RNGTT: variants seen among roughly 807,000 people sequenced by gnomAD.
RNGTT encodes RNA guanylyltransferase and 5'-phosphatase, also known as mRNA-capping enzyme.
In RNGTT, 33 loss-of-function variants were observed where a neutral mutation model predicts 79.3. That is an observed-to-expected ratio of 0.42 (90% confidence interval 0.32 to 0.56). The LOEUF (loss-of-function observed/expected upper bound fraction) is 0.56. RNGTT is among the 20% of genes least tolerant of loss of function. RNGTT has a pLI of 0.17. For missense variants in RNGTT, 497 were observed against 739.1 expected (o/e 0.67, Z 3.80); for synonymous variants, 222 against 235.9 (o/e 0.94, Z 0.54).
intron 14 of RNGTT, among the ~76,000 whole-genome samples, chr6:88,641,055 G>T (rs143998937): frequency 3.7e-4 from 56 of 152,044 alleles, no homozygotes; most frequent in Admixed American, 9.8e-4. Flanking sequence ...GTGTTAAGAC[G>T]ACCGGCCGGG....
intron 12 of RNGTT, among the ~76,000 whole-genome samples, chr6:88,774,159 C>A (rs928631711): frequency 6.6e-6 from 1 of 151,970 alleles, no homozygotes; most frequent in Non-Finnish European, 1.5e-5. Context: ...AGTCAAAAGA[C>A]TTGAATAAAC....
intron 14 of RNGTT, among the ~76,000 whole-genome samples, chr6:88,637,409 G>A (rs1773138922): frequency 6.6e-6 from 1 of 151,994 alleles, no homozygotes; most frequent in Non-Finnish European, 1.5e-5. Flanking sequence ...ATTGGAAAAG[G>A]CTGGCTTTTC....
chr6:88,868,235 G>A (rs939134769), intron 8 of RNGTT, among the ~76,000 whole-genome samples: 2 of 151,806 alleles, frequency 1.3e-5, no homozygotes, highest in African/African-American at 4.8e-5. Flanking sequence ...TAAACTTCAA[G>A]AAGATTGAGA....
rs557136602 is a variant in RNGTT at position 88,612,034 on chromosome 6, A to G, written c.*685T>C. 2 of 152,648 alleles carry G rather than the reference A, an allele frequency of 1.3e-5. No homozygotes were observed. The highest frequency in any genetic ancestry group is 4.8e-5 in the African/African-American group (2 of 41,594). 9.5% of individuals were successfully genotyped at this position (152,648 alleles called of 1,614,324 possible). On this transcript the variant is annotated 3_prime_UTR_variant, in exon 16 of 16. Transcript: ENST00000369485. ...AGAATGGACACACTGGATATCTGAT[A>G]TCATAGTCGAAACAATACAAACAGA... is the stretch of plus-strand genomic sequence containing the variant.
intron 8 of RNGTT, among the ~76,000 whole-genome samples, chr6:88,862,830 T>C (rs1309730213): frequency 6.6e-6 from 1 of 152,206 alleles, no homozygotes; most frequent in Non-Finnish European, 1.5e-5. Context: ...GTCAGTGAAA[T>C]GACAACATAG....
chr6:88,826,166 C>T (rs748223916), intron 11 of RNGTT, among the ~76,000 whole-genome samples: 2 of 152,116 alleles, frequency 1.3e-5, no homozygotes, highest in Non-Finnish European at 2.9e-5. Context: ...AAAAGGTGGG[C>T]AGGGGGCATG....
At chr6:88,780,469 A>T (rs1779025484) in intron 12 of RNGTT, among the ~76,000 whole-genome samples, 1 of 152,218 alleles carries the variant, frequency 6.6e-6, no homozygotes, top group Non-Finnish European at 1.5e-5. Flanking sequence ...ACTATAAACA[A>T]GGATATAAAA....
intron 11 of RNGTT, among the ~76,000 whole-genome samples, chr6:88,835,635 A>C (rs1168544614): frequency 1.3e-5 from 2 of 152,200 alleles, no homozygotes; most frequent in Non-Finnish European, 2.9e-5. Flanking sequence ...AAACATAAAA[A>C]GCAGCTTCTC....
chr6:88,937,588 C>T (rs771870016), intron 2 of RNGTT, among the ~76,000 whole-genome samples: 7 of 151,300 alleles, frequency 4.6e-5, no homozygotes, highest in Non-Finnish European at 8.8e-5. Flanking sequence ...TTCTTTCCTT[C>T]TACAAATTTT....
intron 13 of RNGTT, among the ~76,000 whole-genome samples, chr6:88,721,851 GT>G (rs1231318499): frequency 1.3e-5 from 2 of 151,954 alleles, no homozygotes; most frequent in Non-Finnish European, 2.9e-5. Context: ...CAGCTCTCAT[GT>G]AAATATTCTC....
chr6:88,853,744 C>A lies in RNGTT; in HGVS notation c.917G>T (p.Gly306Val). The A allele has an allele frequency of 6.4e-7, 1 of 1,561,368 alleles. No individual in the cohort carries two copies. Among genetic ancestry groups the A allele is most frequent in the South Asian group, 1.1e-5 (1 of 87,654 alleles). ...DGTRYMMLID[G>V]TNEVFMIDRD... ...ATCAATCATAAAAACTTCATTTGTG[C>A]CATCAATCAACATCATGTACCTGTA... Residue 306 changes from glycine to valine, a missense_variant, in exon 9 of 16, where the codon GGC (glycine) becomes GTC (valine). Gly to Val is a moderately radical substitution (Grantham distance 109). Coordinates refer to ENST00000369485, the MANE Select transcript of RNGTT (RefSeq NM_003800.5).
At chr6:88,774,091 AT>A (rs1450063289) in intron 12 of RNGTT, among the ~76,000 whole-genome samples, 2 of 152,190 alleles carry the variant, frequency 1.3e-5, no homozygotes, top group African/African-American at 4.8e-5. Context: ...ATCTATTTAT[AT>A]CCAGAATATA....
At chr6:88,777,115 C>T (rs1562247480) in intron 12 of RNGTT, among the ~76,000 whole-genome samples, 1 of 152,166 alleles carries the variant, frequency 6.6e-6, no homozygotes, top group Non-Finnish European at 1.5e-5. Flanking sequence ...ATCTTCTCCC[C>T]ATTGTGTATT....
intron 11 of RNGTT, among the ~76,000 whole-genome samples, chr6:88,839,136 T>C (rs1781177561): frequency 6.6e-6 from 1 of 151,960 alleles, no homozygotes; most frequent in Non-Finnish European, 1.5e-5. Context: ...TATGGCATAC[T>C]GATACAATGA....
intron 12 of RNGTT, among the ~76,000 whole-genome samples, chr6:88,773,549 T>A (rs1778772874): frequency 6.6e-6 from 1 of 151,430 alleles, no homozygotes; most frequent in Non-Finnish European, 1.5e-5. Flanking sequence ...GTCACACTTT[T>A]TACTTTTCAA....
At chr6:88,757,959 A>G (rs755630134) in intron 13 of RNGTT, among the ~76,000 whole-genome samples, 18 of 152,206 alleles carry the variant, frequency 1.2e-4, no homozygotes, top group South Asian at 8.3e-4. Context: ...CTGTCATATA[A>G]GCATTATCTT....
intron 13 of RNGTT, among the ~76,000 whole-genome samples, chr6:88,730,621 C>T (rs1440351722): frequency 6.6e-6 from 1 of 152,242 alleles, no homozygotes; most frequent in East Asian, 1.9e-4. Flanking sequence ...GCAGGCGGAG[C>T]TCAGGCGGTA....
chr6:88,670,046 C>G (rs527699883), intron 14 of RNGTT, among the ~76,000 whole-genome samples: 1 of 152,284 alleles, frequency 6.6e-6, no homozygotes, highest in East Asian at 1.9e-4. Flanking sequence ...ATAAGAAATG[C>G]TATTTATCAA....
At chr6:88,630,513 A>G (rs887982827) in intron 14 of RNGTT, among the ~76,000 whole-genome samples, 1 of 152,198 alleles carries the variant, frequency 6.6e-6, no homozygotes, top group African/African-American at 2.4e-5. Context: ...TGTTTTAACT[A>G]TCACACAGCC....
Sources: allele counts gnomAD v4.1 joint callset (sites outside exome capture counted in the v4.1 genomes callset), GRCh38; gene constraint gnomAD v4.1.1; transcripts MANE v1.5; gene names NCBI Gene and HGNC (gene_info 2026-07-23, HGNC 2026-07-21).